Variants in BAALC observed in about 807,000 individuals in gnomAD.
BAALC encodes the protein BAALC binder of MAP3K1 and KLF4.
Under a neutral mutation model 15.5 loss-of-function variants are expected in BAALC, and 9 were observed. That is an observed-to-expected ratio of 0.58 (90% confidence interval 0.35 to 1.02). BAALC has a LOEUF of 1.02. BAALC is among the 50% of genes least tolerant of loss of function. The pLI, the probability that BAALC is intolerant of heterozygous loss-of-function variation, is 0.02. For synonymous variants in BAALC, 80 were observed against 74.6 expected (o/e 1.07, Z -0.37); for missense variants, 201 against 192.4 (o/e 1.04, Z -0.27).
chr8:103,186,567 A>AT (rs1425413079), intron 1 of BAALC, among the ~76,000 whole-genome samples: 3 of 152,110 alleles, frequency 2.0e-5, no homozygotes, highest in African/African-American at 4.8e-5. Context: ...AATAGAGACG[A>AT]TTTTTTGTCT....
At chr8:103,178,862 CAAAA>C (rs34211860) in intron 1 of BAALC, among the ~76,000 whole-genome samples, 1 of 101,734 alleles carries the variant, frequency 9.8e-6, no homozygotes. Flanking sequence ...GACTCTGTCT[CAAAA>C]AAAAAAAAAA....
chr8:103,217,284 C>T (rs1812580590), intron 2 of BAALC, among the ~76,000 whole-genome samples: 1 of 152,190 alleles, frequency 6.6e-6, no homozygotes, highest in South Asian at 2.1e-4. Context: ...CATTCTGAGT[C>T]CCTCAAAGGC....
intron 1 of BAALC, among the ~76,000 whole-genome samples, chr8:103,181,608 A>T (rs533026435): frequency 6.6e-6 from 1 of 152,196 alleles, no homozygotes; most frequent in Non-Finnish European, 1.5e-5. Flanking sequence ...CGCTAATAAA[A>T]TTCTCCATGT....
In BAALC at chr8:103,228,022, G is replaced by T. The variant is rs766189422; in HGVS notation, c.361G>T (p.Glu121Ter). ...AGATGCTAAGAGAATGCCTGCAAAA[G>T]AAGTCACCATTAATGTAACAGATAG... ...KRDAKRMPAKEVTINVTDSIQ... is the reference protein window; with the variant it reads ...KRDAKRMPAK The change falls in exon 3 of 3, where the codon GAA becomes TAA. Residue 121 changes from glutamate to a stop codon, truncating the protein, a stop_gained. Transcript: ENST00000309982. LOFTEE classifies it high-confidence loss of function. 2.5e-6 allele frequency: 4 copies of T among 1,613,730 alleles called. No homozygotes were observed. The highest frequency in any genetic ancestry group is 4.5e-5 in the East Asian group (2 of 44,838).
chr8:103,167,226 T>A (rs1431391072), intron 1 of BAALC, among the ~76,000 whole-genome samples: 2 of 152,224 alleles, frequency 1.3e-5, no homozygotes, highest in Non-Finnish European at 2.9e-5. Context: ...CCTAAATGAA[T>A]GAATGAATTT....
chr8:103,199,345 A>G (rs1486723406), intron 1 of BAALC, among the ~76,000 whole-genome samples: 4 of 152,188 alleles, frequency 2.6e-5, no homozygotes, highest in South Asian at 2.1e-4. Context: ...TGCCATTCTG[A>G]TGGGTAAGAA....
At chr8:103,161,298 G>A (rs1586384390) in intron 1 of BAALC, among the ~76,000 whole-genome samples, 2 of 149,886 alleles carry the variant, frequency 1.3e-5, no homozygotes, top group South Asian at 4.2e-4. Context: ...TTTCAAATAA[G>A]CAAACATATG....
intron 1 of BAALC, among the ~76,000 whole-genome samples, chr8:103,199,459 A>C (rs1812165109): frequency 6.6e-6 from 1 of 152,170 alleles, no homozygotes; most frequent in Admixed American, 6.6e-5. Flanking sequence ...TCAGATAGGC[A>C]AGTGTTTTAT....
intron 1 of BAALC, among the ~76,000 whole-genome samples, chr8:103,161,959 T>TTTTGTTTTTG (rs1554609575): frequency 1.3e-5 from 2 of 151,188 alleles, no homozygotes; most frequent in Non-Finnish European, 3.0e-5. Context: ...TCTTTGTTTG[T>TTTTGTTTTTG]TTTTTGTTTT....
intron 1 of BAALC, among the ~76,000 whole-genome samples, chr8:103,151,722 A>G (rs1405027768): frequency 2.0e-5 from 3 of 151,658 alleles, no homozygotes; most frequent in Non-Finnish European, 4.4e-5. Context: ...CCCATATAAT[A>G]GCCCCTGATG....
At chr8:103,219,725 C>T (rs957792075) in intron 2 of BAALC, among the ~76,000 whole-genome samples, 2 of 152,200 alleles carry the variant, frequency 1.3e-5, no homozygotes, top group African/African-American at 4.8e-5. Flanking sequence ...CCTGACTGAC[C>T]TTGCATTAAT....
At chr8:103,144,428 G>A (rs1468773422) in intron 1 of BAALC, among the ~76,000 whole-genome samples, 1 of 152,194 alleles carries the variant, frequency 6.6e-6, no homozygotes, top group Non-Finnish European at 1.5e-5. Context: ...TGTCACCAAA[G>A]TCTGTCCCTC....
At chr8:103,161,303 CAT>C (rs917164491) in intron 1 of BAALC, among the ~76,000 whole-genome samples, 2 of 151,202 alleles carry the variant, frequency 1.3e-5, no homozygotes, top group African/African-American at 4.9e-5. Flanking sequence ...AATAAGCAAA[CAT>C]ATGCACACAT....
At chr8:103,185,026 C>G (rs1225375602) in intron 1 of BAALC, among the ~76,000 whole-genome samples, 2 of 152,054 alleles carry the variant, frequency 1.3e-5, no homozygotes, top group East Asian at 3.9e-4. Context: ...TTCTTGTCCC[C>G]GGCTTCACCA....
At chr8:103,209,487 A>G (rs1812402187) in intron 1 of BAALC, among the ~76,000 whole-genome samples, 1 of 152,140 alleles carries the variant, frequency 6.6e-6, no homozygotes, top group African/African-American at 2.4e-5. Context: ...GTTCTACCCT[A>G]GGCTTAGGAA....
At chr8:103,168,550 T>A (rs1811404166) in intron 1 of BAALC, among the ~76,000 whole-genome samples, 1 of 151,954 alleles carries the variant, frequency 6.6e-6, no homozygotes, top group Admixed American at 6.6e-5. Context: ...CTAATTCACA[T>A]CAAACCCTCC....
chr8:103,177,817 G>A (rs555290032), intron 1 of BAALC, among the ~76,000 whole-genome samples: 17 of 152,212 alleles, frequency 1.1e-4, no homozygotes, highest in South Asian at 4.1e-4. Context: ...ATAATATACC[G>A]TAAAATTTAT....
intron 1 of BAALC, among the ~76,000 whole-genome samples, chr8:103,212,341 G>C (rs1586435204): frequency 6.6e-6 from 1 of 152,102 alleles, no homozygotes; most frequent in East Asian, 1.9e-4. Flanking sequence ...CCAGCTACTT[G>C]GAAAGCTGAG....
At chr8:103,205,342 G>C (rs1812304210) in intron 1 of BAALC, among the ~76,000 whole-genome samples, 1 of 152,122 alleles carries the variant, frequency 6.6e-6, no homozygotes, top group Non-Finnish European at 1.5e-5. Context: ...CCTATCTTTT[G>C]GCAAGGTTCA....
Sources: allele counts gnomAD v4.1 joint callset (sites outside exome capture counted in the v4.1 genomes callset), GRCh38; gene constraint gnomAD v4.1.1; transcripts MANE v1.5; gene names NCBI Gene and HGNC (gene_info 2026-07-23, HGNC 2026-07-21).